Variants in CAMK1D observed in about 807,000 individuals in gnomAD.
CAMK1D encodes the protein calcium/calmodulin dependent protein kinase ID.
CAMK1D carries 9 observed loss-of-function variants against 47.7 expected under a neutral mutation model. The ratio of observed to expected loss-of-function variants is 0.19; its 90% CI spans 0.11 to 0.33. CAMK1D has a LOEUF of 0.33. CAMK1D is among the 10% of genes least tolerant of loss of function. The pLI, the probability that CAMK1D is intolerant of heterozygous loss-of-function variation, is 1.00. For synonymous variants in CAMK1D, 184 were observed against 184.9 expected (o/e 0.99, Z 0.04); for missense variants, 291 against 488.7 (o/e 0.60, Z 3.81).
At chr10:12,821,142 G>A (rs7898959) in intron 8 of CAMK1D, among the ~76,000 whole-genome samples, 47,027 of 152,070 alleles carry the variant, frequency 0.31, 8,614 homozygotes, top group East Asian at 0.41. Flanking sequence ...GCTCGAGTCC[G>A]AAGGCAGACT....
At chr10:12,554,547 C>CT (rs1264523578) in intron 2 of CAMK1D, among the ~76,000 whole-genome samples, 1 of 146,692 alleles carries the variant, frequency 6.8e-6, no homozygotes, top group Admixed American at 6.9e-5. Context: ...TTCATTTTTT[C>CT]TTTTTTTCTC....
chr10:12,757,564 C>T (rs1184188933), intron 3 of CAMK1D, among the ~76,000 whole-genome samples: 1 of 152,200 alleles, frequency 6.6e-6, no homozygotes, highest in Non-Finnish European at 1.5e-5. Flanking sequence ...ATCTCCCCAG[C>T]AGTGATTCTG....
chr10:12,355,469 T>C (rs1160971878), intron 1 of CAMK1D, among the ~76,000 whole-genome samples: 1 of 151,822 alleles, frequency 6.6e-6, no homozygotes, highest in Non-Finnish European at 1.5e-5. Flanking sequence ...TGCGTGTGTG[T>C]GTGTGTGCGC....
intron 1 of CAMK1D, among the ~76,000 whole-genome samples, chr10:12,401,066 T>TAA (rs1554765520): frequency 2.3e-5 from 2 of 86,640 alleles, no homozygotes; most frequent in Admixed American, 4.0e-4. Context: ...TATATATATT[T>TAA]TATATATATA....
intron 2 of CAMK1D, among the ~76,000 whole-genome samples, chr10:12,563,710 GGA>G (rs1346622990): frequency 8.4e-6 from 1 of 119,042 alleles, no homozygotes; most frequent in Non-Finnish European, 1.8e-5. Context: ...GGAGAGAGAG[GGA>G]GAGAGAGAAT....
chr10:12,660,326 G>A (rs910624338), intron 2 of CAMK1D, among the ~76,000 whole-genome samples: 1 of 151,984 alleles, frequency 6.6e-6, no homozygotes, highest in African/African-American at 2.4e-5. Context: ...CTTGAACTGG[G>A]GTACATGAGG....
chr10:12,821,704 G>A (rs1385970919), intron 8 of CAMK1D, among the ~76,000 whole-genome samples: 1 of 152,248 alleles, frequency 6.6e-6, no homozygotes, highest in Admixed American at 6.5e-5. Context: ...GCCGGGTGTG[G>A]TGGCTCATGC....
intron 1 of CAMK1D, among the ~76,000 whole-genome samples, chr10:12,399,642 A>G (rs1366446624): frequency 2.0e-5 from 3 of 152,218 alleles, no homozygotes; most frequent in Admixed American, 6.5e-5. Flanking sequence ...CAGTAATGTC[A>G]TAAGAGTAAA....
At chr10:12,817,267 T>TA (rs1832838073) in intron 8 of CAMK1D, among the ~76,000 whole-genome samples, 1 of 152,252 alleles carries the variant, frequency 6.6e-6, no homozygotes, top group Non-Finnish European at 1.5e-5. Flanking sequence ...AGAAAGTCTT[T>TA]AAAGATATTG....
intron 1 of CAMK1D, among the ~76,000 whole-genome samples, chr10:12,417,074 G>A (rs1414692288): frequency 1.3e-5 from 2 of 152,184 alleles, no homozygotes; most frequent in Non-Finnish European, 2.9e-5. Flanking sequence ...GTCCTCATCT[G>A]TAAAATGGGG....
intron 1 of CAMK1D, among the ~76,000 whole-genome samples, chr10:12,357,406 C>T (rs1837549757): frequency 6.6e-6 from 1 of 152,086 alleles, no homozygotes; most frequent in South Asian, 2.1e-4. Context: ...ACCTCCGCCT[C>T]CCGGGTTCAA....
rs111814863 is a variant in CAMK1D, at chr10:12,386,928, G to T, written c.92+37018G>T. ...CGAAGATAACTTTACTCAGCCGGGC[G>T]CAGTAGCTCACGCCTGTAATCCCAG... On this transcript the variant is annotated intron_variant, in intron 1 of 10. Coordinates refer to ENST00000619168, the MANE Select transcript of CAMK1D (RefSeq NM_153498.4). Among the ~76,000 whole-genome samples the T allele has an allele frequency of 2.5e-3, 387 of 152,182 alleles. 1 individual carries two copies. Among genetic ancestry groups the T allele is most frequent in the Middle Eastern group, 0.01 (3 of 294 alleles).
intron 1 of CAMK1D, among the ~76,000 whole-genome samples, chr10:12,362,848 C>G (rs904679551): frequency 1.5e-3 from 229 of 151,052 alleles, no homozygotes; most frequent in Non-Finnish European, 2.7e-3. Flanking sequence ...GTTTCACTGT[C>G]TTAGCCAGGA....
intron 10 of CAMK1D, among the ~76,000 whole-genome samples, chr10:12,826,345 G>A (rs1326516635): frequency 6.6e-6 from 1 of 152,152 alleles, no homozygotes; most frequent in Non-Finnish European, 1.5e-5. Context: ...CAGAGCCTCA[G>A]GACAGCCTCC....
chr10:12,665,739 G>GT (rs1349286532), intron 2 of CAMK1D, among the ~76,000 whole-genome samples: 1 of 152,216 alleles, frequency 6.6e-6, no homozygotes, highest in Non-Finnish European at 1.5e-5. Context: ...GAATTCGGCT[G>GT]TTTCCTTCTG....
At chr10:12,718,166 G>A (rs925729586) in intron 3 of CAMK1D, among the ~76,000 whole-genome samples, 4 of 152,238 alleles carry the variant, frequency 2.6e-5, no homozygotes, top group Middle Eastern at 3.4e-3. Flanking sequence ...TCAGCAAGCC[G>A]TTGACTCATG....
chr10:12,569,436 T>C (rs1275820296), intron 2 of CAMK1D, among the ~76,000 whole-genome samples: 1 of 151,744 alleles, frequency 6.6e-6, no homozygotes, highest in Non-Finnish European at 1.5e-5. Flanking sequence ...GGTGCTGGGG[T>C]GCGGTGGCTC....
chr10:12,742,007 A>G (rs9971053), intron 3 of CAMK1D, among the ~76,000 whole-genome samples: 10,380 of 152,262 alleles, frequency 0.068, 595 homozygotes, highest in African/African-American at 0.16. Flanking sequence ...GGTGTCCTGA[A>G]GGGGAGAGCA....
chr10:12,360,112 G>C (rs564071982), intron 1 of CAMK1D, among the ~76,000 whole-genome samples: 1 of 152,152 alleles, frequency 6.6e-6, no homozygotes, highest in African/African-American at 2.4e-5. Flanking sequence ...GGAAGAAAAA[G>C]CTCCTCCAGC....
Sources: allele counts gnomAD v4.1 joint callset (sites outside exome capture counted in the v4.1 genomes callset), GRCh38; gene constraint gnomAD v4.1.1; transcripts MANE v1.5; gene names NCBI Gene and HGNC (gene_info 2026-07-23, HGNC 2026-07-21).